The following KCNC4 variants were observed in gnomAD, a reference collection of about 807,000 sequenced individuals.
KCNC4 encodes potassium voltage-gated channel subfamily C member 4, also known as voltage-gated potassium channel KCNC4.
A neutral mutation model predicts 42.8 loss-of-function variants in KCNC4; 23 were observed. The ratio of observed to expected loss-of-function variants is 0.54; its 90% CI spans 0.39 to 0.76. The LOEUF (loss-of-function observed/expected upper bound fraction) is 0.76. KCNC4 is among the 30% of genes least tolerant of loss of function. The probability of loss-of-function intolerance (pLI) is 0.00; values close to 1 mark genes in which losing one functional copy is unlikely to be tolerated. For synonymous variants in KCNC4, 422 were observed against 393.5 expected (o/e 1.07, Z -0.86); for missense variants, 751 against 898.2 (o/e 0.84, Z 2.10).
chr1:110,224,900 G>A lies in KCNC4; in HGVS notation c.1615+1000G>A, dbSNP rs567543353. ...AAGTGGGACTGACCCTGCAGGAGAG[G>A]CGCCTAGCTTGGGACACTCACCTAT... On this transcript the variant is annotated intron_variant, in intron 2 of 3. Coordinates refer to ENST00000438661, the MANE Select transcript of KCNC4 (RefSeq NM_001039574.3). 3.3e-5 allele frequency: 5 copies of A among 152,438 alleles called. No homozygotes were observed. The East Asian group carries it at 9.6e-4, about 29-fold the overall frequency. The allele number at this position is 152,438 out of a possible 1,614,324, so 9.4% of individuals were successfully genotyped here. A position where few individuals can be genotyped will look rare whatever the true frequency, so the allele number is the denominator to read the frequency against.
At chr1:110,232,170 G>A in intron 3 of KCNC4, 1 of 1,581,364 alleles carries the variant, frequency 6.3e-7, no homozygotes, top group South Asian at 1.1e-5. Context: ...CTCTCTGAGG[G>A]GTTGGGTTTC....
intron 3 of KCNC4, among the ~76,000 whole-genome samples, chr1:110,226,769 G>A (rs898582570): frequency 1.3e-5 from 2 of 152,234 alleles, no homozygotes; most frequent in African/African-American, 4.8e-5. Context: ...TGGGCAGGAA[G>A]AGTGGGTCCC....
chr1:110,211,766 CG>C lies in KCNC4; in HGVS notation c.272del (p.Gly91AlafsTer56). The part of the protein sequence containing the change: ...GVGSSGSSGG[G>X]GCEFFFDRHP... ...TGGGTAGCAGCGGCAGCAGCGGCGG[CG>C]GGGGCTGCGAGTTCTTCTTCGACAG... On this transcript the variant is annotated frameshift_variant, in exon 1 of 4. Coordinates refer to ENST00000438661, the MANE Select transcript of KCNC4 (RefSeq NM_001039574.3). LOFTEE classifies it high-confidence loss of function. This position sits in a 1 kb window ranked among gnomAD's most constrained non-coding sequence, Gnocchi z 6.5. 6.2e-7 allele frequency: 1 copy of C among 1,609,560 alleles called. No homozygotes were observed. Among genetic ancestry groups the C allele is most frequent in the Non-Finnish European group, 8.5e-7 (1 of 1,179,004 alleles).
chr1:110,281,555 A>ACACACACACACACACACACACACACAC (rs71752517), intron 1 of KCNC4, among the ~76,000 whole-genome samples: 1 of 140,350 alleles, frequency 7.1e-6, no homozygotes, highest in African/African-American at 2.7e-5. Flanking sequence ...CATATGTAAA[A>ACACACACACACACACACACACACACAC]ACACACACAC....
chr1:110,219,560 C>T (rs1179326159), intron 1 of KCNC4, among the ~76,000 whole-genome samples: 1 of 152,120 alleles, frequency 6.6e-6, no homozygotes, highest in Non-Finnish European at 1.5e-5. Flanking sequence ...GAGGGAGGCT[C>T]GGATCTCCAC....
chr1:110,226,995 C>A, intron 3 of KCNC4, among the ~76,000 whole-genome samples: 1 of 152,188 alleles, frequency 6.6e-6, no homozygotes, highest in Non-Finnish European at 1.5e-5. Context: ...GGTCTTAGGA[C>A]CAGGCCCTCC....
At chr1:110,263,409 G>C (rs1024040383) in intron 1 of KCNC4, among the ~76,000 whole-genome samples, 4 of 151,938 alleles carry the variant, frequency 2.6e-5, no homozygotes, top group African/African-American at 7.3e-5. Context: ...TATTAGGGCT[G>C]TTTATTTCCT....
intron 1 of KCNC4, chr1:110,220,879 C>T (rs1658060450): frequency 6.6e-6 from 1 of 152,228 alleles, no homozygotes. Flanking sequence ...TTAAATTTAC[C>T]TTCACAGGGG....
rs763877630 is a variant in KCNC4, at chr1:110,273,439, C to T, written n.31-9095C>T. On this transcript the variant is annotated intron_variant and non_coding_transcript_variant, in intron 1 of 2. Transcript: ENST00000412512. The stretch of plus-strand genomic sequence containing the variant: ...CTCTGTGTCAGTCTCTTCTTTGAGA[C>T]GAAGAGTCTGGAAAGAACAGGGACC... Among the ~76,000 whole-genome samples the T allele has an allele frequency of 3.7e-4, 56 of 152,282 alleles. 1 individual carries two copies. Among genetic ancestry groups the T allele is most frequent in the Middle Eastern group, 3.4e-3 (1 of 294 alleles).
chr1:110,262,087 A>ATT (rs1266885618), intron 1 of KCNC4, among the ~76,000 whole-genome samples: 1 of 152,196 alleles, frequency 6.6e-6, no homozygotes, highest in Non-Finnish European at 1.5e-5. Context: ...TGGAAACAAA[A>ATT]TTTTCTACCT....
intron 1 of KCNC4, among the ~76,000 whole-genome samples, chr1:110,277,815 C>A (rs1344331491): frequency 6.6e-6 from 1 of 151,974 alleles, no homozygotes; most frequent in Non-Finnish European, 1.5e-5. Context: ...AAGACCCTTT[C>A]TTTTTGTGTG....
At chr1:110,265,383 AAAATAAAATAAAATAAAAT>A (rs1659521869) in intron 1 of KCNC4, among the ~76,000 whole-genome samples, 1 of 131,926 alleles carries the variant, frequency 7.6e-6, no homozygotes, top group African/African-American at 3.4e-5. Flanking sequence ...AAAATAAAAT[AAAATAAAATAAAATAAAAT>A]AAAATAAAAT....
intron 3 of KCNC4, chr1:110,232,205 T>C: frequency 1.9e-6 from 3 of 1,613,174 alleles, no homozygotes; most frequent in South Asian, 2.2e-5. Flanking sequence ...TTTCCTGACC[T>C]TCTCTCCTGA....
At chr1:110,221,173 G>A (rs887167325) in intron 1 of KCNC4, 1 of 152,228 alleles carries the variant, frequency 6.6e-6, no homozygotes, top group African/African-American at 2.4e-5. Flanking sequence ...GGCTTTCCCA[G>A]GCCTGTGAAT....
intron 1 of KCNC4, among the ~76,000 whole-genome samples, chr1:110,261,987 T>C (rs1246130780): frequency 6.6e-6 from 1 of 152,210 alleles, no homozygotes; most frequent in East Asian, 1.9e-4. Flanking sequence ...AAAACAGATG[T>C]TTAGATGTTT....
intron 1 of KCNC4, among the ~76,000 whole-genome samples, chr1:110,268,478 C>A (rs984320257): frequency 1.3e-5 from 2 of 151,704 alleles, no homozygotes; most frequent in East Asian, 3.9e-4. Context: ...TGGTGGCGGG[C>A]GCCTGTAGTG....
Position 110,219,384 on chromosome 1 carries a change from C to G in KCNC4, c.679-3580C>G, listed in dbSNP as rs557223241. On this transcript the variant is annotated intron_variant, in intron 1 of 3. Coordinates refer to ENST00000438661, the MANE Select transcript of KCNC4 (RefSeq NM_001039574.3). ...TGTGAAGGGGGTACTAGTACTGTCC[C>G]CATTTTATATAGAGGAAACAGGTGC... is the stretch of plus-strand genomic sequence containing the variant. Among the ~76,000 whole-genome samples the G allele has an allele frequency of 2.0e-5, 3 of 152,240 alleles. No homozygotes were observed. The South Asian group carries it at 6.2e-4, about 32-fold the overall frequency.
chr1:110,230,113 C>T (rs1658618306), intron 3 of KCNC4, among the ~76,000 whole-genome samples: 2 of 152,286 alleles, frequency 1.3e-5, no homozygotes, highest in Middle Eastern at 3.4e-3. Flanking sequence ...ATCTCGGCAC[C>T]TCCCTCAGTC....
chr1:110,211,673 G>A lies in KCNC4; in HGVS notation c.174G>A (p.Pro58=), dbSNP rs1657460837. The change falls in exon 1 of 4, where the codon CCG becomes CCA. Residue 58 remains proline, a synonymous_variant. Coordinates refer to ENST00000438661, the MANE Select transcript of KCNC4 (RefSeq NM_001039574.3). This position sits in a 1 kb window ranked among gnomAD's most constrained non-coding sequence, Gnocchi z 6.5. ...ETYRSTLRTL[P]GTRLAWLADP... is the part of the protein sequence containing the mutation. ...ACCGCAGCACCCTGCGCACCCTACC[G>A]GGAACCCGCCTCGCCTGGCTGGCCG... The A allele has an allele frequency of 4.3e-6, 7 of 1,612,374 alleles. No individual in the cohort carries two copies. The highest frequency in any genetic ancestry group is 1.7e-5 in the Admixed American group (1 of 59,920).
Sources: allele counts gnomAD v4.1 joint callset (sites outside exome capture counted in the v4.1 genomes callset), GRCh38; gene constraint gnomAD v4.1.1; non-coding constraint Gnocchi (gnomAD v3.1); transcripts MANE v1.5; gene names NCBI Gene and HGNC (gene_info 2026-07-23, HGNC 2026-07-21).